The following PXDNL variants were observed in gnomAD, a reference collection of about 807,000 sequenced individuals.
PXDNL encodes probable oxidoreductase PXDNL.
A neutral mutation model predicts 150.8 loss-of-function variants in PXDNL; 145 were observed. That is an observed-to-expected ratio of 0.96 (90% confidence interval 0.84 to 1.10). The LOEUF (loss-of-function observed/expected upper bound fraction) is 1.10, where lower values mean the gene tolerates loss of function less well. Among genes scored for constraint, PXDNL ranks in the 50% least tolerant of loss-of-function variants. PXDNL has a pLI of 0.00. For missense variants in PXDNL, 2,087 were observed against 1,873.9 expected (o/e 1.11, Z -2.10); for synonymous variants, 757 against 725.7 (o/e 1.04, Z -0.69).
chr8:51,773,740 A>T (rs1192985154), intron 1 of PXDNL, among the ~76,000 whole-genome samples: 1 of 152,248 alleles, frequency 6.6e-6, no homozygotes, highest in East Asian at 1.9e-4. Flanking sequence ...GCTAAGAAAC[A>T]ATGTTTTCAA....
At chr8:51,530,393 A>G (rs1297501587) in intron 4 of PXDNL, among the ~76,000 whole-genome samples, 1 of 151,892 alleles carries the variant, frequency 6.6e-6, no homozygotes, top group Non-Finnish European at 1.5e-5. Context: ...CTGCTCCTCC[A>G]GGTCCCTGGC....
intron 2 of PXDNL, among the ~76,000 whole-genome samples, chr8:51,651,170 TTTAG>T (rs1311457819): frequency 6.6e-6 from 1 of 152,204 alleles, no homozygotes; most frequent in African/African-American, 2.4e-5. Flanking sequence ...ATATGTGATA[TTTAG>T]TTAAACACTC....
intron 19 of PXDNL, among the ~76,000 whole-genome samples, chr8:51,355,355 G>A (rs571472796): frequency 6.6e-6 from 1 of 152,240 alleles, no homozygotes; most frequent in East Asian, 1.9e-4. Context: ...AAAATATACT[G>A]TATTTACAAT....
intron 1 of PXDNL, among the ~76,000 whole-genome samples, chr8:51,743,361 G>T (rs1361875326): frequency 6.6e-6 from 1 of 151,880 alleles, no homozygotes; most frequent in African/African-American, 2.4e-5. Context: ...GGGATTACAA[G>T]TGCCTGCCAC....
intron 17 of PXDNL, among the ~76,000 whole-genome samples, chr8:51,405,262 G>T (rs75994377): frequency 6.6e-6 from 1 of 152,170 alleles, no homozygotes; most frequent in Admixed American, 6.5e-5. Context: ...CCTCAACAGC[G>T]GCCTGAGTGG....
At chr8:51,805,073 T>C (rs2037661060) in intron 1 of PXDNL, among the ~76,000 whole-genome samples, 1 of 151,864 alleles carries the variant, frequency 6.6e-6, no homozygotes, top group Non-Finnish European at 1.5e-5. Context: ...CACTTTCAGT[T>C]TCATTTCTCT....
chr8:51,553,740 T>TTATA (rs747698313), intron 4 of PXDNL, among the ~76,000 whole-genome samples: 2,588 of 112,722 alleles, frequency 0.023, 39 homozygotes, highest in Middle Eastern at 0.068. Flanking sequence ...GTGAGGGATT[T>TTATA]TATATATATA....
intron 17 of PXDNL, among the ~76,000 whole-genome samples, chr8:51,380,378 T>C (rs541014852): frequency 1.3e-5 from 2 of 152,348 alleles, no homozygotes; most frequent in African/African-American, 4.8e-5. Flanking sequence ...AAGCTCTTCA[T>C]TGGCACTACA....
chr8:51,523,245 C>T (rs1811698900), intron 4 of PXDNL, among the ~76,000 whole-genome samples: 1 of 152,136 alleles, frequency 6.6e-6, no homozygotes, highest in African/African-American at 2.4e-5. Context: ...AAAATATTCT[C>T]ACTTATGATA....
intron 5 of PXDNL, among the ~76,000 whole-genome samples, chr8:51,486,792 ATATTTTTTTTTTTTTTT>A (rs1369552805): frequency 3.8e-4 from 9 of 23,524 alleles, no homozygotes; most frequent in Admixed American, 1.8e-3. Flanking sequence ...ATATATATAT[ATATTTTTTTTTTTTTTT>A]TTTTTTTTTT....
At chr8:51,685,296 T>C (rs1157854174) in intron 1 of PXDNL, among the ~76,000 whole-genome samples, 1 of 152,300 alleles carries the variant, frequency 6.6e-6, no homozygotes, top group South Asian at 2.1e-4. Context: ...GTTGAGGACA[T>C]GGGAAAGTTC....
intron 6 of PXDNL, among the ~76,000 whole-genome samples, chr8:51,481,015 C>T (rs1810592166): frequency 1.3e-5 from 2 of 152,028 alleles, no homozygotes; most frequent in South Asian, 4.2e-4. Flanking sequence ...GTGGAAGGGA[C>T]TTTGGAACTG....
At chr8:51,574,133 A>T (rs1005089102) in intron 3 of PXDNL, among the ~76,000 whole-genome samples, 1 of 152,046 alleles carries the variant, frequency 6.6e-6, no homozygotes, top group African/African-American at 2.4e-5. Flanking sequence ...TTTTTAAAGA[A>T]CATCATAAAA....
At chr8:51,538,298 T>A (rs1054220567) in intron 4 of PXDNL, among the ~76,000 whole-genome samples, 3 of 152,190 alleles carry the variant, frequency 2.0e-5, no homozygotes, top group Non-Finnish European at 2.9e-5. Context: ...AAATAACACG[T>A]TTCATTTGTC....
chr8:51,572,328 A>T (rs1812963045), intron 3 of PXDNL, among the ~76,000 whole-genome samples: 1 of 151,956 alleles, frequency 6.6e-6, no homozygotes, highest in Non-Finnish European at 1.5e-5. Flanking sequence ...CATTGAACAG[A>T]TATACCACAC....
chr8:51,329,593 G>T (rs1563359823), intron 21 of PXDNL, among the ~76,000 whole-genome samples: 1 of 151,816 alleles, frequency 6.6e-6, no homozygotes, highest in South Asian at 2.1e-4. Context: ...TATCTGGCAG[G>T]GATAAAAATA....
intron 2 of PXDNL, among the ~76,000 whole-genome samples, chr8:51,622,989 A>G (rs1292710192): frequency 6.6e-6 from 1 of 152,252 alleles, no homozygotes; most frequent in Non-Finnish European, 1.5e-5. Context: ...CCTTCCCTTT[A>G]TAGGTAGCTG....
At chr8:51,427,920 AAAG>A (rs1168192510) in intron 12 of PXDNL, among the ~76,000 whole-genome samples, 1 of 152,208 alleles carries the variant, frequency 6.6e-6, no homozygotes, top group Admixed American at 6.5e-5. Flanking sequence ...ACAGAATGGA[AAAG>A]AAGAGATAAA....
intron 1 of PXDNL, among the ~76,000 whole-genome samples, chr8:51,778,146 C>T (rs2037373078): frequency 6.6e-6 from 1 of 151,800 alleles, no homozygotes; most frequent in Admixed American, 6.6e-5. Flanking sequence ...ACCATCCTGG[C>T]TAACACAATG....
Sources: gnomAD v4.1 joint callset for allele counts (sites outside exome capture counted in the v4.1 genomes callset) on GRCh38, gnomAD v4.1.1 for gene constraint, MANE v1.5 for transcripts, NCBI Gene and HGNC (gene_info 2026-07-23, HGNC 2026-07-21) for gene names.